XYLT1: variants seen among roughly 807,000 people sequenced by gnomAD.
XYLT1 encodes the protein beta-D-xylosyltransferase 1.
XYLT1 carries 36 observed loss-of-function variants against 91.3 expected under a neutral mutation model. That is an observed-to-expected ratio of 0.39 (90% CI 0.30 to 0.52). The LOEUF is 0.52. Ranked by LOEUF, XYLT1 falls within the 20% of genes least tolerant of loss-of-function variation. The probability of loss-of-function intolerance (pLI) is 0.68; values close to 1 mark genes in which losing one functional copy is unlikely to be tolerated. For synonymous variants in XYLT1, 588 were observed against 532.0 expected (o/e 1.11, Z -1.45); for missense variants, 1,242 against 1,284.5 (o/e 0.97, Z 0.51).
rs540130738 is a variant in XYLT1, at chr16:17,427,841, A to T, written c.363+42593T>A. On this transcript the variant is annotated intron_variant, in intron 1 of 11. Coordinates refer to ENST00000261381, the MANE Select transcript of XYLT1 (RefSeq NM_022166.4). ...AATACAAAAAGGTTTTTTTTTTTTT[A>T]AAACGTTCACCTGTCTACCACCTCA... Among the ~76,000 whole-genome samples the T allele has an allele frequency of 5.8e-3, 865 of 149,834 alleles. 13 individuals are homozygous for T. The highest frequency in any genetic ancestry group is 0.02 in the African/African-American group (801 of 40,826).
At chr16:17,309,192 C>T (rs187221929) in intron 2 of XYLT1, among the ~76,000 whole-genome samples, 2 of 152,134 alleles carry the variant, frequency 1.3e-5, no homozygotes, top group Non-Finnish European at 2.9e-5. Context: ...TGGGTGAGTG[C>T]TGTCCTATGC....
At chr16:17,182,776 C>T (rs1039222908) in intron 5 of XYLT1, among the ~76,000 whole-genome samples, 4 of 152,022 alleles carry the variant, frequency 2.6e-5, no homozygotes, top group African/African-American at 4.8e-5. Context: ...GAGAATTCCA[C>T]TGGGCACCAC....
chr16:17,358,128 T>TC, intron 1 of XYLT1, 78 bp from the exon 2 acceptor site: 2 of 1,352,714 alleles, frequency 1.5e-6, no homozygotes, highest in Non-Finnish European at 1.0e-6. Flanking sequence ...TTTCTTTCTT[T>TC]CCTTTTTTTT....
chr16:17,191,648 T>A (rs1303431620), intron 5 of XYLT1, among the ~76,000 whole-genome samples: 1 of 152,220 alleles, frequency 6.6e-6, no homozygotes, highest in East Asian at 1.9e-4. Flanking sequence ...TGGTCCCATA[T>A]AAACTCTGGT....
At chr16:17,144,373 T>C (rs1201690333) in intron 6 of XYLT1, among the ~76,000 whole-genome samples, 1 of 152,316 alleles carries the variant, frequency 6.6e-6, no homozygotes, top group South Asian at 2.1e-4. Context: ...GAACTCATAG[T>C]CTGACTGGGC....
chr16:17,369,222 C>T (rs1168774620), intron 1 of XYLT1, among the ~76,000 whole-genome samples: 1 of 151,144 alleles, frequency 6.6e-6, no homozygotes, highest in African/African-American at 2.4e-5. Flanking sequence ...CTCCACCTCC[C>T]GGGTTCAAGC....
At chr16:17,151,492 C>G (rs2031282127) in intron 6 of XYLT1, among the ~76,000 whole-genome samples, 1 of 152,098 alleles carries the variant, frequency 6.6e-6, no homozygotes, top group East Asian at 1.9e-4. Flanking sequence ...CACCTATGAG[C>G]TGTGTGTTAT....
At chr16:17,110,308 AC>A (rs1352402671) in intron 11 of XYLT1, among the ~76,000 whole-genome samples, 1 of 152,122 alleles carries the variant, frequency 6.6e-6, no homozygotes, top group Non-Finnish European at 1.5e-5. Context: ...CCCAAATCTC[AC>A]CTTGAATTGT....
intron 2 of XYLT1, among the ~76,000 whole-genome samples, chr16:17,287,371 C>T (rs2034157964): frequency 6.6e-6 from 1 of 152,184 alleles, no homozygotes; most frequent in South Asian, 2.1e-4. Context: ...GATCATACTC[C>T]TCCCACCTCC....
At chr16:17,165,624 G>A (rs1446433094) in intron 5 of XYLT1, among the ~76,000 whole-genome samples, 6 of 152,126 alleles carry the variant, frequency 3.9e-5, no homozygotes, top group South Asian at 2.1e-4. Flanking sequence ...CCTGGGAGGC[G>A]GAGGTTGAAG....
intron 2 of XYLT1, chr16:17,338,340 A>G (rs971618074): frequency 4.4e-6 from 2 of 456,462 alleles, no homozygotes; most frequent in South Asian, 3.1e-5. Context: ...GATGTGGTCT[A>G]CAGTACCTGG....
At chr16:17,338,488 G>A (rs1271532158) in intron 2 of XYLT1, 2 of 456,518 alleles carry the variant, frequency 4.4e-6, no homozygotes, top group Admixed American at 4.7e-5. Context: ...ACTTTATAAA[G>A]GAAGAGGAGC....
chr16:17,377,739 G>A lies in XYLT1; in HGVS notation c.364-19689C>T, dbSNP rs552776855. On this transcript the variant is annotated intron_variant, in intron 1 of 11. Coordinates refer to ENST00000261381, the MANE Select transcript of XYLT1 (RefSeq NM_022166.4). Reference sequence around the variant, plus strand: ...TATTTTCTATTTCTAGCTTAACCACGTGATGCCTGTGAGTTTCAAGCACTG... The same window carrying A: ...TATTTTCTATTTCTAGCTTAACCACATGATGCCTGTGAGTTTCAAGCACTG... Among the ~76,000 whole-genome samples, 8 of 152,222 alleles carry A rather than the reference G, an allele frequency of 5.3e-5. No individual in the cohort carries two copies. The South Asian group carries it at 6.2e-4, about 12-fold the overall frequency.
At chr16:17,229,573 G>C (rs966763632) in intron 3 of XYLT1, among the ~76,000 whole-genome samples, 1 of 152,200 alleles carries the variant, frequency 6.6e-6, no homozygotes, top group East Asian at 1.9e-4. Flanking sequence ...TAGGCCAGGT[G>C]GGGGCAGAGG....
chr16:17,398,719 T>G (rs1398709238), intron 1 of XYLT1, among the ~76,000 whole-genome samples: 1 of 151,846 alleles, frequency 6.6e-6, no homozygotes, highest in African/African-American at 2.4e-5. Flanking sequence ...CTGCTGGGAA[T>G]CTTGAATGTT....
intron 5 of XYLT1, 54 bp downstream of exon 5, chr16:17,198,158 C>T: frequency 1.3e-6 from 2 of 1,597,638 alleles, no homozygotes; most frequent in Non-Finnish European, 1.7e-6. Context: ...CCAGCCATGA[C>T]CAGCCAGAGC....
intron 9 of XYLT1, among the ~76,000 whole-genome samples, chr16:17,129,402 C>A (rs1043116897): frequency 6.6e-6 from 1 of 152,148 alleles, no homozygotes; most frequent in Admixed American, 6.5e-5. Flanking sequence ...GCTGGGATTA[C>A]AGGCATCAGC....
In XYLT1 at chr16:17,116,297, T is replaced by C. The variant is rs1397590127; in HGVS notation, c.2557+1349A>G. Among the ~76,000 whole-genome samples, 4 of 152,342 alleles carry C rather than the reference T, an allele frequency of 2.6e-5. 1 individual carries two copies. The highest frequency in any genetic ancestry group is 6.8e-3 in the Middle Eastern group (2 of 294). ...CTGACATCCCAGTCCCTGTTCTCCA[T>C]GGGGATGGAAACCCTGACCTGAATT... On this transcript the variant is annotated intron_variant, in intron 11 of 11. Coordinates refer to ENST00000261381, the MANE Select transcript of XYLT1 (RefSeq NM_022166.4).
chr16:17,210,545 C>T (rs2032738059), intron 3 of XYLT1, among the ~76,000 whole-genome samples: 1 of 152,064 alleles, frequency 6.6e-6, no homozygotes, highest in African/African-American at 2.4e-5. Context: ...CCATTGCACT[C>T]CAGCCTGGGT....
Sources: allele counts gnomAD v4.1 joint callset (sites outside exome capture counted in the v4.1 genomes callset), GRCh38; gene constraint gnomAD v4.1.1; transcripts MANE v1.5; gene names NCBI Gene and HGNC (gene_info 2026-07-23, HGNC 2026-07-21).